The following MYO5B variants were observed in gnomAD, a reference collection of about 807,000 sequenced individuals.
MYO5B encodes the protein myosin VB, also known as unconventional myosin-Vb.
Under a neutral mutation model 229.3 loss-of-function variants are expected in MYO5B, and 143 were observed. The ratio of observed to expected loss-of-function variants is 0.62; its 90% CI spans 0.54 to 0.72. The LOEUF (loss-of-function observed/expected upper bound fraction) is 0.72, where lower values mean the gene tolerates loss of function less well. Among genes scored for constraint, MYO5B ranks in the 30% least tolerant of loss-of-function variants. The pLI, the probability that MYO5B is intolerant of heterozygous loss-of-function variation, is 0.00. For synonymous variants in MYO5B, 918 were observed against 885.2 expected, an observed-to-expected ratio of 1.04 and a Z score of -0.66; for missense variants, 2,321 against 2,331.0, an observed-to-expected ratio of 1.00 and a Z score of 0.09.
intron 12 of MYO5B, among the ~76,000 whole-genome samples, chr18:49,959,854 G>T (rs909146470): frequency 6.6e-6 from 1 of 152,232 alleles, no homozygotes; most frequent in South Asian, 2.1e-4. Flanking sequence ...TCTTTGGAGA[G>T]TCTTGTTACG....
intron 1 of MYO5B, among the ~76,000 whole-genome samples, chr18:50,174,274 G>A (rs1339564011): frequency 6.6e-6 from 1 of 152,098 alleles, no homozygotes. Flanking sequence ...AATTCCTTTG[G>A]AGACAAACAA....
rs1217037570 is a variant in MYO5B, at chr18:49,825,779, T to C, written c.*692A>G. The stretch of plus-strand genomic sequence containing the variant: ...GGATAGCAGCATTTTAATAATCTCT[T>C]CCATTAAATCAAGATAACACAAAAG... On this transcript the variant is annotated 3_prime_UTR_variant, in exon 40 of 40. Transcript: ENST00000285039. 6.5e-6 allele frequency: 1 copy of C among 152,828 alleles called. No individual in the cohort carries two copies. Among genetic ancestry groups the C allele is most frequent in the Non-Finnish European group, 1.5e-5 (1 of 68,206 alleles). 9.5% of individuals were successfully genotyped at this position (152,828 alleles called of 1,614,324 possible).
Position 49,879,070 on chromosome 18 carries a change from C to A in MYO5B, c.3151G>T (p.Val1051Leu). ...TCTTTCTTCATGAGATTTTCCTTCA[C>A]AGAGTTCTGGGCAAATTCATCTGGA... ...QSKDEFAQNS[V>L]KENLMKKELE... Residue 1051 changes from valine to leucine, a missense_variant, in exon 24 of 40, where the codon GTG (valine) becomes TTG (leucine). Coordinates refer to ENST00000285039, the MANE Select transcript of MYO5B (RefSeq NM_001080467.3). The A allele has an allele frequency of 6.2e-7, 1 of 1,614,094 alleles. No homozygotes were observed. Among genetic ancestry groups the A allele is most frequent in the East Asian group, 2.2e-5 (1 of 44,876 alleles).
chr18:49,984,870 T>G, intron 7 of MYO5B, 45 bp from the exon 8 acceptor site: 1 of 1,338,158 alleles, frequency 7.5e-7, no homozygotes, highest in African/African-American at 1.4e-5. Flanking sequence ...GGAGGACACT[T>G]CATCCCACAG....
chr18:50,028,003 G>T (rs1014940779), intron 4 of MYO5B, among the ~76,000 whole-genome samples: 3 of 152,142 alleles, frequency 2.0e-5, no homozygotes, highest in African/African-American at 7.2e-5. Flanking sequence ...GCAAATTAGA[G>T]GTTACCTGGG....
intron 1 of MYO5B, among the ~76,000 whole-genome samples, chr18:50,126,169 C>T (rs1380805271): frequency 6.6e-6 from 1 of 152,118 alleles, no homozygotes; most frequent in East Asian, 1.9e-4. Flanking sequence ...TATTTTACCA[C>T]AACTAAAAAA....
At chr18:50,093,187 CACACACACACACACACACAG>C (rs1422449068) in intron 1 of MYO5B, among the ~76,000 whole-genome samples, 3 of 137,294 alleles carry the variant, frequency 2.2e-5, no homozygotes, top group Admixed American at 7.0e-5. Flanking sequence ...GTGCCACACA[CACACACACACACACACACAG>C]ACACACACAC....
chr18:49,940,578 C>A (rs780725539), intron 14 of MYO5B, among the ~76,000 whole-genome samples: 2 of 152,208 alleles, frequency 1.3e-5, no homozygotes, highest in Admixed American at 1.3e-4. Context: ...ACCCAGGTCA[C>A]GTCCAAGGAG....
intron 1 of MYO5B, among the ~76,000 whole-genome samples, chr18:50,164,992 C>T (rs555516852): frequency 3.3e-5 from 5 of 152,326 alleles, no homozygotes; most frequent in Admixed American, 1.3e-4. Context: ...TGGAGGAGTT[C>T]GCAGCTTATT....
At chr18:49,934,851 G>T (rs2025232092) in intron 16 of MYO5B, among the ~76,000 whole-genome samples, 1 of 152,174 alleles carries the variant, frequency 6.6e-6, no homozygotes, top group Non-Finnish European at 1.5e-5. Flanking sequence ...AGTGTAGAAG[G>T]CAGTTCAGAT....
chr18:50,080,595 T>A (rs2031196787), intron 1 of MYO5B, among the ~76,000 whole-genome samples: 1 of 152,086 alleles, frequency 6.6e-6, no homozygotes, highest in East Asian at 1.9e-4. Context: ...ACCAGAAGCC[T>A]CCTCAAGTAT....
rs1372427746 is a variant in MYO5B, at chr18:50,073,594, GGCT to G, written c.28-18219_28-18217del. 2.0e-5 allele frequency among the ~76,000 whole-genome samples: 3 copies of G among 152,078 alleles called. No individual in the cohort carries two copies. The East Asian group carries it at 5.8e-4, about 29-fold the overall frequency. ...CTGCTGGGATCTTGTCCAGCCACAT[GGCT>G]GCTACCTCTCATGTATGCAGCTGAG... On this transcript the variant is annotated intron_variant, in intron 1 of 39. Transcript: ENST00000285039.
intron 5 of MYO5B, among the ~76,000 whole-genome samples, chr18:49,999,124 C>T (rs1390676251): frequency 6.6e-6 from 1 of 152,238 alleles, no homozygotes; most frequent in East Asian, 1.9e-4. Flanking sequence ...TTTGTTCAGT[C>T]TCTGGAGCTC....
chr18:49,957,930 G>C (rs573735870), intron 12 of MYO5B, among the ~76,000 whole-genome samples: 28 of 151,514 alleles, frequency 1.8e-4, no homozygotes, highest in African/African-American at 6.5e-4. Context: ...AGCCCAGCTG[G>C]CCCCCCCCAG....
At chr18:49,924,516 C>T (rs972465036) in intron 17 of MYO5B, among the ~76,000 whole-genome samples, 9 of 152,236 alleles carry the variant, frequency 5.9e-5, no homozygotes, top group African/African-American at 2.2e-4. Context: ...AGCTTTCTGG[C>T]AGGCCACAGC....
At chr18:50,077,870 T>C (rs918186955) in intron 1 of MYO5B, among the ~76,000 whole-genome samples, 1 of 152,134 alleles carries the variant, frequency 6.6e-6, no homozygotes, top group Non-Finnish European at 1.5e-5. Context: ...GGTTCCTACA[T>C]ACTACAATAA....
chr18:49,927,524 CA>C (rs1379774551), intron 17 of MYO5B, among the ~76,000 whole-genome samples: 3 of 152,172 alleles, frequency 2.0e-5, no homozygotes, highest in Non-Finnish European at 4.4e-5. Context: ...GTCACCAAAA[CA>C]GCATGATATT....
chr18:49,941,064 G>T (rs776756567), intron 14 of MYO5B, among the ~76,000 whole-genome samples: 4 of 152,290 alleles, frequency 2.6e-5, no homozygotes, highest in Middle Eastern at 3.4e-3. Context: ...AGTCTAATGG[G>T]TTATAAAGCC....
chr18:50,137,562 T>TA (rs1162143985), intron 1 of MYO5B, among the ~76,000 whole-genome samples: 10 of 152,154 alleles, frequency 6.6e-5, no homozygotes, highest in Admixed American at 1.3e-4. Context: ...TCAAAACAGC[T>TA]AAGTTTCTCT....
Sources: allele counts gnomAD v4.1 joint callset (sites outside exome capture counted in the v4.1 genomes callset), GRCh38; gene constraint gnomAD v4.1.1; transcripts MANE v1.5; gene names NCBI Gene and HGNC (gene_info 2026-07-23, HGNC 2026-07-21).